Variants in PRKG1 observed in about 807,000 individuals in gnomAD.
PRKG1 encodes protein kinase cGMP-dependent 1.
A neutral mutation model predicts 88.1 loss-of-function variants in PRKG1; 35 were observed. The observed-to-expected ratio is 0.40, with a 90% CI of 0.30 to 0.53. The LOEUF is 0.53. PRKG1 is among the 20% of genes least tolerant of loss of function. PRKG1 has a pLI of 0.59. For synonymous variants in PRKG1, 303 were observed against 292.5 expected, an observed-to-expected ratio of 1.04 and a Z score of -0.37; for missense variants, 540 against 839.8, an observed-to-expected ratio of 0.64 and a Z score of 4.41.
At chr10:51,558,814 T>C (rs1837381474) in intron 3 of PRKG1, among the ~76,000 whole-genome samples, 1 of 152,116 alleles carries the variant, frequency 6.6e-6, no homozygotes. Flanking sequence ...TAAAAATCTC[T>C]GTCTTGTCTT....
chr10:51,714,364 A>T (rs1841836679), intron 3 of PRKG1, among the ~76,000 whole-genome samples: 1 of 150,834 alleles, frequency 6.6e-6, no homozygotes, highest in South Asian at 2.1e-4. Flanking sequence ...AGTGTCTACA[A>T]ACTCCATGTA....
intron 2 of PRKG1, among the ~76,000 whole-genome samples, chr10:51,406,382 A>C (rs1837915936): frequency 6.6e-6 from 1 of 152,152 alleles, no homozygotes; most frequent in African/African-American, 2.4e-5. Context: ...TTGCTGTACT[A>C]TCATTTTACT....
chr10:51,780,830 T>A (rs74741486), intron 3 of PRKG1, among the ~76,000 whole-genome samples: 4,294 of 152,294 alleles, frequency 0.028, 181 homozygotes, highest in African/African-American at 0.094. Context: ...GCAGGAAATG[T>A]TGCATTCCAT....
intron 3 of PRKG1, among the ~76,000 whole-genome samples, chr10:51,565,900 G>A (rs182139327): frequency 2.6e-5 from 4 of 152,204 alleles, no homozygotes; most frequent in Admixed American, 2.0e-4. Context: ...CAATAATGAA[G>A]TTGGCAGTGT....
chr10:51,207,389 C>T (rs950183446), intron 2 of PRKG1, among the ~76,000 whole-genome samples: 1 of 152,178 alleles, frequency 6.6e-6, no homozygotes, highest in African/African-American at 2.4e-5. Flanking sequence ...AATGAAAAGA[C>T]GAGAGTGTCT....
At chr10:51,651,911 A>G (rs941504303) in intron 3 of PRKG1, among the ~76,000 whole-genome samples, 28 of 152,278 alleles carry the variant, frequency 1.8e-4, no homozygotes, top group African/African-American at 6.7e-4. Flanking sequence ...AAATATTTGA[A>G]TGATAGCATC....
upstream of PRKG1, among the ~76,000 whole-genome samples, chr10:51,073,125 C>T (rs372318574): frequency 4.6e-5 from 7 of 152,190 alleles, no homozygotes; most frequent in East Asian, 1.2e-3. Context: ...ACGTATTAGG[C>T]AGATATTTGG....
At chr10:51,403,322 T>G (rs2132671930) in intron 2 of PRKG1, among the ~76,000 whole-genome samples, 1 of 152,332 alleles carries the variant, frequency 6.6e-6, no homozygotes, top group South Asian at 2.1e-4. Flanking sequence ...CTTAAAATTT[T>G]CAGATCTAAA....
chr10:52,215,166 A>C (rs1230336389), intron 9 of PRKG1, among the ~76,000 whole-genome samples: 1 of 152,048 alleles, frequency 6.6e-6, no homozygotes, highest in Non-Finnish European at 1.5e-5. Flanking sequence ...AGGTGGAGGC[A>C]GGCAGATCAC....
chr10:51,594,332 C>A (rs1198577149), intron 3 of PRKG1, among the ~76,000 whole-genome samples: 1 of 152,144 alleles, frequency 6.6e-6, no homozygotes, highest in African/African-American at 2.4e-5. Context: ...CCGGCCAAGG[C>A]AGTTTCATCA....
intron 1 of PRKG1, among the ~76,000 whole-genome samples, chr10:51,094,674 A>T (rs1844486998): frequency 6.6e-6 from 1 of 152,024 alleles, no homozygotes; most frequent in African/African-American, 2.4e-5. Context: ...AGCAAAACAT[A>T]TGGATATTTA....
At chr10:52,254,065 A>G (rs1841250396) in intron 10 of PRKG1, among the ~76,000 whole-genome samples, 1 of 152,046 alleles carries the variant, frequency 6.6e-6, no homozygotes, top group Non-Finnish European at 1.5e-5. Flanking sequence ...TTAAAATATT[A>G]TCTGTGATTG....
At chr10:51,266,089 G>T (rs1839829355) in intron 2 of PRKG1, among the ~76,000 whole-genome samples, 1 of 152,174 alleles carries the variant, frequency 6.6e-6, no homozygotes. Context: ...TGCTGATGCT[G>T]CCAGTATGTG....
chr10:51,234,520 G>A (rs888940554), intron 2 of PRKG1, among the ~76,000 whole-genome samples: 1 of 152,086 alleles, frequency 6.6e-6, no homozygotes, highest in Non-Finnish European at 1.5e-5. Context: ...GGTTGGAATT[G>A]AACCTTTAGG....
chr10:51,981,424 A>T (rs752684116), intron 5 of PRKG1, among the ~76,000 whole-genome samples: 1 of 152,066 alleles, frequency 6.6e-6, no homozygotes, highest in Non-Finnish European at 1.5e-5. Flanking sequence ...ATCTCTACTA[A>T]GAATACAAAA....
chr10:51,101,529 C>G (rs1049361682), intron 1 of PRKG1, among the ~76,000 whole-genome samples: 2 of 152,160 alleles, frequency 1.3e-5, no homozygotes, highest in Non-Finnish European at 2.9e-5. Context: ...TTGTATTCTC[C>G]TTTGAGAAGC....
intron 1 of PRKG1, among the ~76,000 whole-genome samples, chr10:51,114,487 G>A (rs970211868): frequency 6.6e-6 from 1 of 151,754 alleles, no homozygotes; most frequent in Non-Finnish European, 1.5e-5. Context: ...AGGACAAAGT[G>A]TGAAGGGGAG....
At chr10:51,186,561 T>G (rs1471774542) in intron 2 of PRKG1, among the ~76,000 whole-genome samples, 1 of 152,022 alleles carries the variant, frequency 6.6e-6, no homozygotes, top group Non-Finnish European at 1.5e-5. Flanking sequence ...GAGCCAGGAA[T>G]CGGGGTGGGG....
intron 4 of PRKG1, among the ~76,000 whole-genome samples, chr10:51,891,107 AT>A (rs1437002933): frequency 3.4e-5 from 5 of 147,284 alleles, no homozygotes; most frequent in East Asian, 4.0e-4. Context: ...CAAAAAAAAA[AT>A]AACAAATAAG....
Sources: allele counts gnomAD v4.1 joint callset (sites outside exome capture counted in the v4.1 genomes callset), GRCh38; gene constraint gnomAD v4.1.1; transcripts MANE v1.5; gene names NCBI Gene and HGNC (gene_info 2026-07-23, HGNC 2026-07-21).